Variants in HELZ observed in about 807,000 individuals in gnomAD.
HELZ encodes helicase with zinc finger.
HELZ carries 23 observed loss-of-function variants against 218.2 expected under a neutral mutation model. The observed-to-expected ratio is 0.11, with a 90% CI of 0.08 to 0.15. The LOEUF is 0.15. HELZ is among the 10% of genes least tolerant of loss of function. The probability of loss-of-function intolerance (pLI) is 1.00; values close to 1 mark genes in which losing one functional copy is unlikely to be tolerated. For missense variants in HELZ, 1,813 were observed against 2,353.7 expected (o/e 0.77, Z 4.75); for synonymous variants, 814 against 829.4 (o/e 0.98, Z 0.32).
At chr17:67,137,711 C>A (rs1245758391) in intron 22 of HELZ, among the ~76,000 whole-genome samples, 1 of 152,124 alleles carries the variant, frequency 6.6e-6, no homozygotes, top group Non-Finnish European at 1.5e-5. Context: ...ATTATGGTCA[C>A]AGAAAAGGTA....
intron 27 of HELZ, among the ~76,000 whole-genome samples, chr17:67,116,484 TACACACAC>T (rs144779116): frequency 4.7e-5 from 7 of 147,720 alleles, no homozygotes; most frequent in South Asian, 2.1e-4. Flanking sequence ...AAGGTAAAAA[TACACACAC>T]ACACACACAC....
chr17:67,107,362 C>A lies in HELZ; in HGVS notation c.5048G>T (p.Trp1683Leu). 1 of 1,614,170 alleles carries A rather than the reference C, an allele frequency of 6.2e-7. No individual in the cohort carries two copies. The highest frequency in any genetic ancestry group is 8.5e-7 in the Non-Finnish European group (1 of 1,180,028). ...PLKYLAPDGAWTFANLQQNHL... is the reference protein window; with the variant it reads ...PLKYLAPDGALTFANLQQNHL... ...ATTCTGTTGCAAGTTAGCAAAAGTC[C>A]ATGCTCCATCAGGTGCCAGGTATTT... Residue 1683 changes from tryptophan (W) to leucine (L), a missense_variant, in exon 31 of 33, where the codon TGG (tryptophan) becomes TTG (leucine). Physicochemically the swap from Trp to Leu is moderately conservative, Grantham distance 61 (BLOSUM62 -2). Transcript: ENST00000358691.
intron 3 of HELZ, among the ~76,000 whole-genome samples, chr17:67,223,461 C>T (rs1486980278): frequency 1.3e-5 from 2 of 151,962 alleles, no homozygotes; most frequent in African/African-American, 4.8e-5. Flanking sequence ...TAAAAATTAT[C>T]CAAACTTGGC....
rs1373587099 is a variant in HELZ, at chr17:67,108,737, A to AT, written c.4490-12dup. On this transcript the variant is annotated splice_polypyrimidine_tract_variant and intron_variant, in intron 29 of 32. Coordinates refer to ENST00000358691, the MANE Select transcript of HELZ (RefSeq NM_014877.4). The surrounding 1 kb of genome is among the most constrained non-coding windows in gnomAD (Gnocchi z 4.1). The stretch of plus-strand genomic sequence containing the variant: ...TCCCATGTATACGATCTGCAAAAAT[A>AT]TTTGTGAAAAATTTTTTATGAATTT... The AT allele has an allele frequency of 1.9e-6, 3 of 1,541,030 alleles. No homozygotes were observed. In the Admixed American group the frequency reaches 6.1e-5, roughly 31 times the overall value.
In HELZ at chr17:67,093,383, T is replaced by A. The variant is rs1474675253; in HGVS notation, c.5242-6302A>T. Among the ~76,000 whole-genome samples the A allele has an allele frequency of 2.0e-5, 3 of 152,138 alleles. No individual in the cohort carries two copies. In the East Asian group the frequency reaches 5.8e-4, roughly 29 times the overall value. On this transcript the variant is annotated intron_variant, in intron 31 of 32. Coordinates refer to ENST00000358691, the MANE Select transcript of HELZ (RefSeq NM_014877.4). Reference sequence around the variant, plus strand: ...AGAATCTAGGAGGCCCAACATCTTATCAAAAGAAGTTTCAGAAAGTGAGAC... The same window carrying A: ...AGAATCTAGGAGGCCCAACATCTTAACAAAAGAAGTTTCAGAAAGTGAGAC...
At chr17:67,244,900 G>C (rs1273516105) in intron 1 of HELZ, 2 of 985,900 alleles carry the variant, frequency 2.0e-6, no homozygotes, top group African/African-American at 3.5e-5. Flanking sequence ...CCAGGACGCT[G>C]CGGGCCCCAG....
At position 67,188,215 on chromosome 17, in the gene HELZ, T is replaced by C; in HGVS notation, c.1162+104A>G. The C allele has an allele frequency of 9.1e-7, 1 of 1,102,390 alleles. No individual in the cohort carries two copies. The highest frequency in any genetic ancestry group is 1.3e-6 in the Non-Finnish European group (1 of 763,582). 68.3% of individuals were successfully genotyped at this position (1,102,390 alleles called of 1,614,324 possible). ...AATTAAGTTGGGATTTTTTTCTTTA[T>C]TACTATTCTCTTCCTATCCATGGAA... is the stretch of plus-strand genomic sequence containing the variant. On this transcript the variant is annotated intron_variant, in intron 12 of 32. Coordinates refer to ENST00000358691, the MANE Select transcript of HELZ (RefSeq NM_014877.4). This position sits in a 1 kb window ranked among gnomAD's most constrained non-coding sequence, Gnocchi z 4.1.
At chr17:67,144,497 A>C (rs1336962906) in intron 21 of HELZ, among the ~76,000 whole-genome samples, 1 of 152,098 alleles carries the variant, frequency 6.6e-6, no homozygotes. Flanking sequence ...AAAAAAAAAA[A>C]AAACCTTTGA....
intron 19 of HELZ, 80 bp from the exon 20 acceptor site, chr17:67,148,794 ATGC>A: frequency 7.6e-7 from 1 of 1,322,230 alleles, no homozygotes; most frequent in Non-Finnish European, 1.0e-6. Flanking sequence ...AAAATCCACT[ATGC>A]TAAAACTTCT....
chr17:67,109,157 A>G lies in HELZ; in HGVS notation c.4448T>C (p.Ile1483Thr), dbSNP rs560794603. Residue 1483 changes from isoleucine to threonine, a missense_variant, in exon 29 of 33, where the codon ATT becomes ACT. Transcript: ENST00000358691. ...PILPSHLNSF[I>T]DENPSGLPIG... Reference sequence around the variant, plus strand: ...AGGTAATCCCGAGGGGTTCTCATCAATGAAGCTATTCAGATGTGAAGGAAG... The same window carrying G: ...AGGTAATCCCGAGGGGTTCTCATCAGTGAAGCTATTCAGATGTGAAGGAAG... 28 of 1,613,836 alleles carry G rather than the reference A, an allele frequency of 1.7e-5. No homozygotes were observed. The African/African-American group carries it at 2.5e-4, about 15-fold the overall frequency.
intron 31 of HELZ, among the ~76,000 whole-genome samples, chr17:67,102,069 T>C (rs1453125639): frequency 6.6e-6 from 1 of 152,230 alleles, no homozygotes; most frequent in Non-Finnish European, 1.5e-5. Context: ...CCAAGGGCCA[T>C]GGCTTTTGCT....
At chr17:67,245,356 C>A, upstream of HELZ, 6 of 704,066 alleles carry the variant, frequency 8.5e-6, no homozygotes, top group Non-Finnish European at 8.7e-6. Context: ...CCCTTCCCCT[C>A]CCCCGGGCTG....
rs1036762308 is a variant in HELZ at position 67,244,649 on chromosome 17, G to T, written c.-132+499C>A. The T allele has an allele frequency of 9.3e-6, 9 of 970,986 alleles. No individual in the cohort carries two copies. In the Admixed American group the frequency reaches 5.5e-4, roughly 60 times the overall value. 60.1% of individuals were successfully genotyped at this position (970,986 alleles called of 1,614,324 possible). A position where few individuals can be genotyped will look rare whatever the true frequency, so the allele number is the denominator to read the frequency against. ...TCCGCGGGGGAGGGAGGGGGCGCAC[G>T]CCTGACCCACTTTTCCCCACGCCCC... On this transcript the variant is annotated intron_variant, in intron 1 of 32. Coordinates refer to ENST00000358691, the MANE Select transcript of HELZ (RefSeq NM_014877.4).
rs2036041250 is a variant in HELZ at position 67,077,247 on chromosome 17, T to C, written c.*1005A>G. ...AAAATATTTGAATTGCCACGTATAA[T>C]GTCACATTTTAATGTAAACATCAAA... is the stretch of plus-strand genomic sequence containing the variant. On this transcript the variant is annotated 3_prime_UTR_variant, in exon 33 of 33. Coordinates refer to ENST00000358691, the MANE Select transcript of HELZ (RefSeq NM_014877.4). The C allele has an allele frequency of 6.6e-6, 1 of 152,584 alleles. No individual in the cohort carries two copies. The allele number at this position is 152,584 out of a possible 1,614,324, so 9.5% of individuals were successfully genotyped here. A position where few individuals can be genotyped will look rare whatever the true frequency, so the allele number is the denominator to read the frequency against.
chr17:67,162,288 C>T (rs1343142818), intron 15 of HELZ, among the ~76,000 whole-genome samples: 1 of 152,108 alleles, frequency 6.6e-6, no homozygotes, highest in Non-Finnish European at 1.5e-5. Flanking sequence ...GACATATAAT[C>T]TCAAACCAAC....
chr17:67,135,826 AT>A (rs1367946322), intron 23 of HELZ, 143 bp downstream of exon 23: 4 of 639,230 alleles, frequency 6.3e-6, no homozygotes. Flanking sequence ...ATCCAAAGTA[AT>A]ATGCTTTTGT....
At chr17:67,180,647 G>A (rs2039580644) in intron 12 of HELZ, among the ~76,000 whole-genome samples, 2 of 152,118 alleles carry the variant, frequency 1.3e-5, no homozygotes, top group Admixed American at 1.3e-4. Context: ...GGAGGCTGAG[G>A]CAGGTGGATT....
chr17:67,219,803 G>A (rs2040696969), intron 3 of HELZ, among the ~76,000 whole-genome samples: 1 of 152,186 alleles, frequency 6.6e-6, no homozygotes, highest in Admixed American at 6.5e-5. Flanking sequence ...TGCCACAGGG[G>A]AAGAAATGGC....
rs2038982050 is a variant in HELZ, at chr17:67,161,092, A to G, written c.1896-16T>C. 1.3e-6 allele frequency: 2 copies of G among 1,574,152 alleles called. No homozygotes were observed. The highest frequency in any genetic ancestry group is 4.6e-5 in the East Asian group (2 of 43,954). On this transcript the variant is annotated splice_polypyrimidine_tract_variant and intron_variant, in intron 15 of 32. Transcript: ENST00000358691. Reference sequence around the variant, plus strand: ...ATCCCATTGTCTATGGAAAATAAAAATTTATGTTAAACACATGCATCTCGT... The same window carrying G: ...ATCCCATTGTCTATGGAAAATAAAAGTTTATGTTAAACACATGCATCTCGT...
Sources: allele counts gnomAD v4.1 joint callset (sites outside exome capture counted in the v4.1 genomes callset), GRCh38; gene constraint gnomAD v4.1.1; non-coding constraint Gnocchi (gnomAD v3.1); transcripts MANE v1.5; gene names NCBI Gene and HGNC (gene_info 2026-07-23, HGNC 2026-07-21).